Variants in DCLK1 observed in about 807,000 individuals in gnomAD.
DCLK1 encodes doublecortin like kinase 1.
DCLK1 carries 16 observed loss-of-function variants against 86.2 expected under a neutral mutation model. The ratio of observed to expected loss-of-function variants is 0.19; its 90% confidence interval spans 0.13 to 0.28. The LOEUF is 0.28. Ranked by LOEUF, DCLK1 falls within the 10% of genes least tolerant of loss-of-function variation. DCLK1 has a pLI of 1.00. For missense variants in DCLK1, 590 were observed against 940.2 expected (o/e 0.63, Z 4.87); for synonymous variants, 369 against 370.5 (o/e 1.00, Z 0.05).
At chr13:35,947,248 A>G in intron 4 of DCLK1, 110 bp downstream of exon 4, 1 of 709,918 alleles carries the variant, frequency 1.4e-6, no homozygotes, top group South Asian at 1.9e-5. Flanking sequence ...CTGGGTGAGG[A>G]TCTGAAACTG....
chr13:35,785,735 C>T (rs1001127151), intron 16 of DCLK1, among the ~76,000 whole-genome samples: 16 of 152,098 alleles, frequency 1.1e-4, no homozygotes, highest in African/African-American at 2.9e-4. Context: ...CAGCCATGAG[C>T]GCTTTAAACA....
chr13:35,836,221 C>G, intron 7 of DCLK1, 80 bp from the exon 8 acceptor site: 1 of 1,206,414 alleles, frequency 8.3e-7, no homozygotes, highest in East Asian at 2.3e-5. Flanking sequence ...AAAGTATCAT[C>G]TAATTGACTG....
intron 16 of DCLK1, among the ~76,000 whole-genome samples, chr13:35,781,937 C>T (rs952322583): frequency 1.3e-5 from 2 of 152,162 alleles, no homozygotes; most frequent in African/African-American, 4.8e-5. Flanking sequence ...TACTCTCAGG[C>T]TTATTGCAGT....
At chr13:35,927,998 A>C (rs1267672857) in intron 4 of DCLK1, among the ~76,000 whole-genome samples, 1 of 152,214 alleles carries the variant, frequency 6.6e-6, no homozygotes, top group African/African-American at 2.4e-5. Context: ...GGCCTCTCCC[A>C]GACCTTACCC....
chr13:35,855,780 C>T (rs1871016753), intron 5 of DCLK1: 1 of 1,276,234 alleles, frequency 7.8e-7, no homozygotes, highest in Non-Finnish European at 9.9e-7. Flanking sequence ...AAGCCTCTTG[C>T]CAACAGCAAC....
chr13:35,898,380 A>G (rs1874128309), intron 4 of DCLK1, among the ~76,000 whole-genome samples: 1 of 152,244 alleles, frequency 6.6e-6, no homozygotes, highest in African/African-American at 2.4e-5. Flanking sequence ...TATTTAATGA[A>G]GTCTTGCAAG....
chr13:35,852,767 C>A lies in DCLK1; in HGVS notation c.1035+1732G>T, dbSNP rs535663134. Among the ~76,000 whole-genome samples, 13 of 152,284 alleles carry A rather than the reference C, an allele frequency of 8.5e-5. No homozygotes were observed. In the East Asian group the frequency reaches 2.3e-3, roughly 27 times the overall value. On this transcript the variant is annotated intron_variant, in intron 6 of 16. Coordinates refer to ENST00000360631, the MANE Select transcript of DCLK1 (RefSeq NM_001330071.2). ...TTCTGCCAAGAAAGGGACATCTGAG[C>A]ACAGCTTTACATCCCTAAGCTGGAG... is the stretch of plus-strand genomic sequence containing the variant.
rs138725523 is a variant in DCLK1 at position 35,824,965 on chromosome 13, G to C, written c.1408-2090C>G. 1.2e-3 allele frequency among the ~76,000 whole-genome samples: 178 copies of C among 152,114 alleles called. 2 individuals carry two copies. The highest frequency in any genetic ancestry group is 8.3e-3 in the South Asian group (40 of 4,804). On this transcript the variant is annotated intron_variant, in intron 10 of 16. Transcript: ENST00000360631. ...CCTCCCCTTCAGTTTTCTAACTCCC[G>C]TTGCTCTCTCAGGGCCCAGCTGCAG...
chr13:36,037,445 C>T (rs1295159695), intron 3 of DCLK1, among the ~76,000 whole-genome samples: 1 of 140,352 alleles, frequency 7.1e-6, no homozygotes, highest in East Asian at 2.0e-4. Context: ...GTGGATATCC[C>T]GATTACCCTA....
intron 1 of DCLK1, among the ~76,000 whole-genome samples, chr13:36,127,374 TCTTC>T (rs902062495): frequency 5.9e-5 from 9 of 152,240 alleles, no homozygotes; most frequent in African/African-American, 1.9e-4. Context: ...ATTTCTTGGT[TCTTC>T]CTTTCATTAA....
intron 3 of DCLK1, among the ~76,000 whole-genome samples, chr13:36,098,281 T>C (rs1885083914): frequency 1.3e-5 from 2 of 152,220 alleles, no homozygotes; most frequent in Non-Finnish European, 2.9e-5. Flanking sequence ...TTCCAGCTGT[T>C]GTAACAGAAA....
intron 3 of DCLK1, among the ~76,000 whole-genome samples, chr13:35,999,256 AAC>A (rs1491409917): frequency 2.2e-3 from 102 of 46,630 alleles, no homozygotes; most frequent in East Asian, 0.011. Flanking sequence ...ATCTGTCTCA[AAC>A]AAAAAAAAAA....
intron 3 of DCLK1, among the ~76,000 whole-genome samples, chr13:35,960,956 C>T (rs954881702): frequency 6.6e-6 from 1 of 152,200 alleles, no homozygotes; most frequent in Non-Finnish European, 1.5e-5. Context: ...TACAGAACAT[C>T]TACCTAGCAC....
rs117181327 is a variant in DCLK1, at chr13:35,990,731, T to C, written c.724-43274A>G. Among the ~76,000 whole-genome samples, 109 of 152,254 alleles carry C rather than the reference T, an allele frequency of 7.2e-4. 1 individual carries two copies. In the East Asian group the frequency reaches 0.018, roughly 25 times the overall value. On this transcript the variant is annotated intron_variant, in intron 3 of 16. Transcript: ENST00000360631. Reference sequence around the variant, plus strand: ...TCAGGGCAGATGGTTTCCAAGCTCATTTTGAACTCCAAGCAAGACTTAAAA... The same window carrying C: ...TCAGGGCAGATGGTTTCCAAGCTCACTTTGAACTCCAAGCAAGACTTAAAA...
At chr13:35,975,261 A>C (rs1879277485) in intron 3 of DCLK1, among the ~76,000 whole-genome samples, 1 of 152,154 alleles carries the variant, frequency 6.6e-6, no homozygotes, top group South Asian at 2.1e-4. Context: ...GCAGGAAAAA[A>C]CACTTATGAC....
At chr13:35,894,757 C>T (rs528224203) in intron 4 of DCLK1, among the ~76,000 whole-genome samples, 48 of 152,154 alleles carry the variant, frequency 3.2e-4, no homozygotes, top group African/African-American at 1.0e-3. Context: ...TGTGTAGGCA[C>T]GAGGAGCAGA....
intron 3 of DCLK1, among the ~76,000 whole-genome samples, chr13:35,955,102 C>T (rs1156798483): frequency 3.3e-5 from 5 of 152,114 alleles, no homozygotes; most frequent in Admixed American, 2.6e-4. Flanking sequence ...CCCAGGAATG[C>T]ACCCTTTATG....
intron 3 of DCLK1, among the ~76,000 whole-genome samples, chr13:35,963,502 T>G (rs1347803927): frequency 6.6e-6 from 1 of 152,194 alleles, no homozygotes; most frequent in African/African-American, 2.4e-5. Flanking sequence ...TTAAAGGGTA[T>G]GAAATTTTTC....
intron 15 of DCLK1, among the ~76,000 whole-genome samples, chr13:35,794,340 A>AT (rs375165773): frequency 6.6e-6 from 1 of 152,244 alleles, no homozygotes; most frequent in African/African-American, 2.4e-5. Context: ...GAATGAACAG[A>AT]TAATAGAGTG....
Sources: allele counts gnomAD v4.1 joint callset (sites outside exome capture counted in the v4.1 genomes callset), GRCh38; gene constraint gnomAD v4.1.1; transcripts MANE v1.5; gene names NCBI Gene and HGNC (gene_info 2026-07-23, HGNC 2026-07-21).